The following SLC16A5 variants were observed in gnomAD, a reference collection of about 807,000 sequenced individuals.
The protein encoded by SLC16A5 is solute carrier family 16 member 5.
In SLC16A5, 29 loss-of-function variants were observed where a neutral mutation model predicts 33.2. The ratio of observed to expected loss-of-function variants is 0.87; its 90% CI spans 0.65 to 1.19. SLC16A5 has a LOEUF of 1.19. Ranked by LOEUF, SLC16A5 falls within the 50% of genes most tolerant of loss-of-function variation. The probability of loss-of-function intolerance (pLI) is 0.00; values close to 1 mark genes in which losing one functional copy is unlikely to be tolerated. For missense variants in SLC16A5, 606 were observed against 678.2 expected, an observed-to-expected ratio of 0.89 and a Z score of 1.18; for synonymous variants, 248 against 284.1, an observed-to-expected ratio of 0.87 and a Z score of 1.28.
intron 2 of SLC16A5, 76 bp from the exon 3 acceptor site, chr17:75,093,513 C>T: frequency 6.5e-7 from 1 of 1,537,588 alleles, no homozygotes; most frequent in Non-Finnish European, 8.7e-7. Context: ...GCTTAGCTGC[C>T]CAGAGAAGGT....
chr17:75,108,000 A>T (rs1248856182), downstream of SLC16A5, among the ~76,000 whole-genome samples: 1 of 152,096 alleles, frequency 6.6e-6, no homozygotes, highest in Non-Finnish European at 1.5e-5. Context: ...GCTACTCGGG[A>T]GGCTGAGGCA....
At position 75,104,180 on chromosome 17, in the gene SLC16A5, T is replaced by G; in HGVS notation, c.1364T>G (p.Met455Arg). ...GGGAAGCAACGGTCCCCTGAGATCA[T>G]GTATGTAACCAGCGTCTAAGACCCA... ...GPGKQRSPEIMCQSSRQPRPA... is the reference protein window; with the variant it reads ...GPGKQRSPEIRCQSSRQPRPA... Residue 455 changes from methionine to arginine, a missense_variant and splice_region_variant, in exon 6 of 7, where the codon ATG (methionine) becomes AGG (arginine). Coordinates refer to ENST00000329783, the MANE Select transcript of SLC16A5 (RefSeq NM_004695.4). The G allele has an allele frequency of 6.2e-7, 1 of 1,613,898 alleles. No individual in the cohort carries two copies. Among genetic ancestry groups the G allele is most frequent in the Non-Finnish European group, 8.5e-7 (1 of 1,179,992 alleles).
At position 75,106,117 on chromosome 17, in the gene SLC16A5, T is replaced by C. The variant is rs2073860618; in HGVS notation, c.*84T>C. On this transcript the variant is annotated 3_prime_UTR_variant, in exon 7 of 7. Coordinates refer to ENST00000329783, the MANE Select transcript of SLC16A5 (RefSeq NM_004695.4). ...TCTGAGCCTTGAAAAAGTAGGAGGT[T>C]ACTTTGTTAGAGCAAAATAATAAAA... The C allele has an allele frequency of 5.0e-6, 3 of 603,188 alleles. No individual in the cohort carries two copies. Among genetic ancestry groups the C allele is most frequent in the Non-Finnish European group, 8.2e-6 (3 of 364,676 alleles). The allele number at this position is 603,188 out of a possible 1,614,324, so 37.4% of individuals were successfully genotyped here.
chr17:75,107,945 A>G (rs1448655273), downstream of SLC16A5, among the ~76,000 whole-genome samples: 1 of 152,002 alleles, frequency 6.6e-6, no homozygotes, highest in Non-Finnish European at 1.5e-5. Flanking sequence ...TCAGAAAAAA[A>G]ATACAAAAAT....
chr17:75,100,608 T>C lies in SLC16A5; in HGVS notation c.945T>C (p.Asn315=), dbSNP rs1214303084. The part of the protein sequence containing the change: ...KYLFSLALLL[N]GLTNLVCAAS... ...TGTTCAGCCTGGCACTCCTGCTCAATGGGCTCACTAACCTGGTGTGTGCGG... is the reference window on the plus strand; with the variant it reads ...TGTTCAGCCTGGCACTCCTGCTCAACGGGCTCACTAACCTGGTGTGTGCGG... The change falls in exon 5 of 7, where the codon AAT becomes AAC. Residue 315 remains asparagine (N), a synonymous_variant. Transcript: ENST00000329783. 10 of 1,614,220 alleles carry C rather than the reference T, an allele frequency of 6.2e-6. No homozygotes were observed. The highest frequency in any genetic ancestry group is 8.5e-6 in the Non-Finnish European group (10 of 1,180,030).
chr17:75,103,907 A>G lies in SLC16A5; in HGVS notation c.1154-63A>G, dbSNP rs983224502. ...AAAAATAAAATACCTGCTGTCAGGG[A>G]ACACACAGCTGAGTTGGGGGGAGGC... On this transcript the variant is annotated intron_variant, in intron 5 of 6. Coordinates refer to ENST00000329783, the MANE Select transcript of SLC16A5 (RefSeq NM_004695.4). 3 of 1,436,618 alleles carry G rather than the reference A, an allele frequency of 2.1e-6. No homozygotes were observed. In the Admixed American group the frequency reaches 5.2e-5, roughly 25 times the overall value. 89.0% of individuals were successfully genotyped at this position (1,436,618 alleles called of 1,614,324 possible).
intron 4 of SLC16A5, 42 bp from the exon 5 acceptor site, chr17:75,099,965 C>T: frequency 6.4e-7 from 1 of 1,562,942 alleles, no homozygotes; most frequent in Non-Finnish European, 8.6e-7. Context: ...AGGTGGAAGG[C>T]CCCAGTGCGC....
At chr17:75,105,230 G>A in intron 6 of SLC16A5, 2 of 985,414 alleles carry the variant, frequency 2.0e-6, no homozygotes, top group Non-Finnish European at 2.4e-6. Context: ...AAGTCTGAGG[G>A]CCCCCCTGCA....
chr17:75,109,387 G>A (rs2073888508), downstream of SLC16A5, among the ~76,000 whole-genome samples: 1 of 151,926 alleles, frequency 6.6e-6, no homozygotes. This position sits in a 1 kb window ranked among gnomAD's most constrained non-coding sequence, Gnocchi z 5.0. Flanking sequence ...AAGGGGCAAA[G>A]GACTGATGGG....
At chr17:75,103,818 C>G in intron 5 of SLC16A5, 152 bp from the exon 6 acceptor site, 1 of 674,814 alleles carries the variant, frequency 1.5e-6, no homozygotes, top group Non-Finnish European at 2.6e-6. Flanking sequence ...CCCCTCCTTT[C>G]ATTCTTCAAG....
chr17:75,096,548 G>A (rs1397523522), intron 3 of SLC16A5, among the ~76,000 whole-genome samples: 3 of 144,636 alleles, frequency 2.1e-5, no homozygotes, highest in East Asian at 2.0e-4. Context: ...TTTTTTTTTC[G>A]GAGATGGAGC....
chr17:75,094,893 C>G (rs1419051033), intron 3 of SLC16A5, among the ~76,000 whole-genome samples: 2 of 152,128 alleles, frequency 1.3e-5, no homozygotes, highest in African/African-American at 2.4e-5. Context: ...CACCCTGACC[C>G]CAGCGTTGGG....
intron 3 of SLC16A5, among the ~76,000 whole-genome samples, chr17:75,097,579 G>A (rs545844657): frequency 1.3e-5 from 2 of 152,250 alleles, no homozygotes; most frequent in South Asian, 4.1e-4. Flanking sequence ...TCCTGAGGAT[G>A]TTGGGTGTGG....
Position 75,100,167 on chromosome 17 carries a change from G to A in SLC16A5, c.504G>A (p.Trp168Ter), listed in dbSNP as rs769387221. Residue 168 changes from tryptophan (W) to a stop codon, truncating the protein, a stop_gained, in exon 5 of 7, where the codon TGG becomes TGA. Coordinates refer to ENST00000329783, the MANE Select transcript of SLC16A5 (RefSeq NM_004695.4). LOFTEE classifies it high-confidence loss of function. ...LSRYLLENLG[W>*]RGTFLVFGGI... ...GCTACCTTCTGGAGAACCTGGGCTG[G>A]AGGGGTACCTTCCTTGTCTTCGGCG... The A allele has an allele frequency of 1.9e-5, 30 of 1,614,100 alleles. No homozygotes were observed. Among genetic ancestry groups the A allele is most frequent in the Non-Finnish European group, 8.5e-7 (1 of 1,180,034 alleles).
At chr17:75,093,412 G>C in intron 2 of SLC16A5, 177 bp from the exon 3 acceptor site, 3 of 1,535,844 alleles carry the variant, frequency 2.0e-6, no homozygotes, top group Non-Finnish European at 2.6e-6. Flanking sequence ...TGGGTGAAAG[G>C]AGATGCCAAG....
intron 2 of SLC16A5, among the ~76,000 whole-genome samples, chr17:75,093,025 CCTT>C (rs1470687966): frequency 6.6e-6 from 1 of 152,020 alleles, no homozygotes; most frequent in Non-Finnish European, 1.5e-5. Flanking sequence ...TTGTTAAACT[CCTT>C]TGTGTATGCT....
downstream of SLC16A5, among the ~76,000 whole-genome samples, chr17:75,106,756 G>A (rs1469087358): frequency 5.3e-5 from 8 of 151,934 alleles, no homozygotes; most frequent in East Asian, 1.9e-4. Context: ...TTAGCCAGGC[G>A]TGGTAGCAGT....
chr17:75,087,461 G>T (rs1012232784), upstream of SLC16A5, among the ~76,000 whole-genome samples: 1 of 152,216 alleles, frequency 6.6e-6, no homozygotes, highest in African/African-American at 2.4e-5. Flanking sequence ...ATGCAGAAGT[G>T]GTGGGTGTCC....
At chr17:75,104,974 C>T (rs2073845814) in intron 6 of SLC16A5, 4 of 985,364 alleles carry the variant, frequency 4.1e-6, no homozygotes, top group Non-Finnish European at 3.6e-6. Context: ...TTGTCTTTCT[C>T]TGGCCTCCAT....
Sources: allele counts gnomAD v4.1 joint callset (sites outside exome capture counted in the v4.1 genomes callset), GRCh38; gene constraint gnomAD v4.1.1; non-coding constraint Gnocchi (gnomAD v3.1); transcripts MANE v1.5; gene names NCBI Gene and HGNC (gene_info 2026-07-23, HGNC 2026-07-21).